UMAD1: variants seen among roughly 807,000 people sequenced by gnomAD.
UMAD1 encodes UBAP1-MVB12-associated (UMA)-domain containing protein 1.
UMAD1 carries 8 observed loss-of-function variants against 6.1 expected under a neutral mutation model. The observed-to-expected ratio is 1.30, with a 90% CI of 0.76 to 2.35. UMAD1 has a LOEUF of 2.35. Ranked by LOEUF, UMAD1 falls within the 30% of genes most tolerant of loss-of-function variation. The pLI is 0.00. For missense variants in UMAD1, 130 were observed against 78.4 expected, an observed-to-expected ratio of 1.66 and a Z score of -2.49; for synonymous variants, 56 against 31.4, an observed-to-expected ratio of 1.78 and a Z score of -2.61.
intron 3 of UMAD1, among the ~76,000 whole-genome samples, chr7:7,866,252 A>G (rs998669448): frequency 6.6e-6 from 1 of 152,184 alleles, no homozygotes; most frequent in Non-Finnish European, 1.5e-5. Flanking sequence ...TATGAGCCCC[A>G]CATTGTGCTG....
chr7:7,839,505 C>A (rs186102497), intron 3 of UMAD1, among the ~76,000 whole-genome samples: 3 of 152,208 alleles, frequency 2.0e-5, no homozygotes, highest in East Asian at 1.9e-4. Flanking sequence ...TTTTTTTGAG[C>A]CTTTTTACTC....
chr7:7,711,679 C>T (rs896398417), intron 2 of UMAD1, among the ~76,000 whole-genome samples: 1 of 151,888 alleles, frequency 6.6e-6, no homozygotes, highest in Non-Finnish European at 1.5e-5. Flanking sequence ...GATCTCTTTT[C>T]CCTGCTGTAT....
intron 1 of UMAD1, among the ~76,000 whole-genome samples, chr7:7,649,127 C>T (rs1224827607): frequency 7.4e-6 from 1 of 134,324 alleles, no homozygotes; most frequent in Non-Finnish European, 1.5e-5. Flanking sequence ...CACTGCACTC[C>T]AGCCCGTGCG....
chr7:7,834,197 T>G (rs1477883694), intron 3 of UMAD1, among the ~76,000 whole-genome samples: 1 of 151,788 alleles, frequency 6.6e-6, no homozygotes, highest in Non-Finnish European at 1.5e-5. Context: ...AAATTTTGTA[T>G]TTTTTATTAG....
At chr7:7,779,788 G>C (rs1367839151) in intron 2 of UMAD1, among the ~76,000 whole-genome samples, 1 of 152,060 alleles carries the variant, frequency 6.6e-6, no homozygotes, top group Non-Finnish European at 1.5e-5. Context: ...GGGACTACAG[G>C]TGCACACCAC....
At chr7:7,721,629 C>A (rs1026072073) in intron 2 of UMAD1, among the ~76,000 whole-genome samples, 1 of 152,158 alleles carries the variant, frequency 6.6e-6, no homozygotes, top group Non-Finnish European at 1.5e-5. Flanking sequence ...CACTTCCACC[C>A]CAGGAAAGAT....
chr7:7,649,552 T>G (rs1785175722), intron 1 of UMAD1, among the ~76,000 whole-genome samples: 1 of 152,254 alleles, frequency 6.6e-6, no homozygotes, highest in South Asian at 2.1e-4. Context: ...AGTTTTTTGC[T>G]TCCTATGTGT....
rs191889089 is a variant in UMAD1, at chr7:7,876,685, A to G, written c.157-596A>G. 2.5e-4 allele frequency among the ~76,000 whole-genome samples: 38 copies of G among 152,370 alleles called. 1 individual carries two copies. The East Asian group carries it at 6.6e-3, about 26-fold the overall frequency. On this transcript the variant is annotated intron_variant, in intron 3 of 3. Coordinates refer to ENST00000682710, the MANE Select transcript of UMAD1 (RefSeq NM_001302348.2). ...TCAGTACTCATGGTATACATTAGAG[A>G]TAAATTATGAGTACATATATATTAC...
At chr7:7,874,011 A>T (rs10255802) in intron 3 of UMAD1, among the ~76,000 whole-genome samples, 43,689 of 151,994 alleles carry the variant, frequency 0.29, 6,505 homozygotes, top group East Asian at 0.49. Flanking sequence ...GATGTCCGCT[A>T]GGCACTGAAA....
At chr7:7,683,469 G>T (rs1779961769) in intron 2 of UMAD1, among the ~76,000 whole-genome samples, 1 of 151,968 alleles carries the variant, frequency 6.6e-6, no homozygotes, top group African/African-American at 2.4e-5. Flanking sequence ...AAAATATAAA[G>T]TTACAGTTTC....
At chr7:7,801,045 AGT>A (rs1198081920) in intron 2 of UMAD1, among the ~76,000 whole-genome samples, 1 of 152,200 alleles carries the variant, frequency 6.6e-6, no homozygotes, top group Non-Finnish European at 1.5e-5. Context: ...TACTTACCCA[AGT>A]GTGTTTGTGT....
chr7:7,668,276 G>A (rs1308546120), intron 1 of UMAD1, among the ~76,000 whole-genome samples: 1 of 152,076 alleles, frequency 6.6e-6, no homozygotes, highest in Non-Finnish European at 1.5e-5. Flanking sequence ...CTACTGTAAG[G>A]ATTATAGGAG....
chr7:7,797,646 A>G (rs1401871280), intron 2 of UMAD1, among the ~76,000 whole-genome samples: 1 of 151,750 alleles, frequency 6.6e-6, no homozygotes, highest in Non-Finnish European at 1.5e-5. Flanking sequence ...TACTCTAATG[A>G]CCATTCCTTT....
At chr7:7,798,982 C>T (rs1472319380) in intron 2 of UMAD1, among the ~76,000 whole-genome samples, 1 of 152,046 alleles carries the variant, frequency 6.6e-6, no homozygotes, top group African/African-American at 2.4e-5. Context: ...GTCTGAGTTG[C>T]AAATGAAATT....
intron 2 of UMAD1, among the ~76,000 whole-genome samples, chr7:7,702,785 T>G (rs909135845): frequency 6.7e-6 from 1 of 150,346 alleles, no homozygotes; most frequent in Non-Finnish European, 1.5e-5. Context: ...GGCCTGGGTT[T>G]TTGTTGTTGT....
intron 2 of UMAD1, among the ~76,000 whole-genome samples, chr7:7,731,328 T>C (rs112387008): frequency 1.3e-5 from 2 of 152,028 alleles, no homozygotes; most frequent in Non-Finnish European, 2.9e-5. Flanking sequence ...GATGGAACTA[T>C]TGTAGTAGTG....
chr7:7,811,416 G>A (rs1456028946), intron 3 of UMAD1, among the ~76,000 whole-genome samples: 2 of 152,280 alleles, frequency 1.3e-5, no homozygotes, highest in African/African-American at 4.8e-5. Context: ...TTTGTAGAAT[G>A]CATTTCTCCA....
At chr7:7,649,175 A>AAAAAAAAAG in intron 1 of UMAD1, among the ~76,000 whole-genome samples, 1 of 104,604 alleles carries the variant, frequency 9.6e-6, no homozygotes, top group Non-Finnish European at 1.8e-5. Context: ...AAAAAAAAAA[A>AAAAAAAAAG]AAAAGAAAAG....
At chr7:7,786,456 T>C (rs981248532) in intron 2 of UMAD1, among the ~76,000 whole-genome samples, 2 of 152,210 alleles carry the variant, frequency 1.3e-5, no homozygotes, top group Non-Finnish European at 2.9e-5. Flanking sequence ...GTTACATTAC[T>C]GAAAATGTCA....
Sources: allele counts gnomAD v4.1 joint callset (sites outside exome capture counted in the v4.1 genomes callset), GRCh38; gene constraint gnomAD v4.1.1; transcripts MANE v1.5; gene names NCBI Gene and HGNC (gene_info 2026-07-23, HGNC 2026-07-21).